KCNIP4: variants seen among roughly 807,000 people sequenced by gnomAD.
The protein encoded by KCNIP4 is potassium voltage-gated channel interacting protein 4.
KCNIP4 carries 12 observed loss-of-function variants against 34.0 expected under a neutral mutation model. That is an observed-to-expected ratio of 0.35 (90% CI 0.23 to 0.57). The LOEUF (loss-of-function observed/expected upper bound fraction) is 0.57, where lower values mean the gene tolerates loss of function less well. Among genes scored for constraint, KCNIP4 ranks in the 20% least tolerant of loss-of-function variants. The pLI is 0.83. For synonymous variants in KCNIP4, 124 were observed against 102.2 expected (o/e 1.21, Z -1.29); for missense variants, 238 against 311.7 (o/e 0.76, Z 1.78).
At chr4:21,670,321 A>G (rs1749372599) in intron 1 of KCNIP4, among the ~76,000 whole-genome samples, 1 of 151,026 alleles carries the variant, frequency 6.6e-6, no homozygotes. Flanking sequence ...TATCGCAAGA[A>G]CAAAAAACCA....
chr4:21,203,631 C>T (rs1015123278), intron 1 of KCNIP4, among the ~76,000 whole-genome samples: 1 of 152,224 alleles, frequency 6.6e-6, no homozygotes, highest in Non-Finnish European at 1.5e-5. Flanking sequence ...GTTCTTGCCC[C>T]TGCTGGCTCT....
chr4:21,482,236 G>A (rs1452739565), intron 1 of KCNIP4, among the ~76,000 whole-genome samples: 3 of 152,224 alleles, frequency 2.0e-5, no homozygotes, highest in African/African-American at 7.2e-5. Flanking sequence ...CCTGAATATA[G>A]CACACTGATG....
intron 1 of KCNIP4, among the ~76,000 whole-genome samples, chr4:21,924,734 T>G (rs1002870414): frequency 1.3e-5 from 2 of 152,282 alleles, no homozygotes; most frequent in Middle Eastern, 6.8e-3. Context: ...CAAATAATTT[T>G]CTCAACACTC....
chr4:20,798,632 T>C (rs1035250237), intron 3 of KCNIP4, among the ~76,000 whole-genome samples: 19 of 152,180 alleles, frequency 1.2e-4, no homozygotes, highest in Admixed American at 5.2e-4. Context: ...GCAGAAATCC[T>C]GTAGAGCATA....
chr4:21,306,346 C>T (rs987811193), intron 1 of KCNIP4, among the ~76,000 whole-genome samples: 1 of 152,140 alleles, frequency 6.6e-6, no homozygotes, highest in Non-Finnish European at 1.5e-5. Context: ...AGGTTATACC[C>T]AAAATGATCC....
At chr4:21,844,816 A>G (rs1723907457) in intron 1 of KCNIP4, 1 of 152,040 alleles carries the variant, frequency 6.6e-6, no homozygotes, top group African/African-American at 2.4e-5. Flanking sequence ...TGAAATTGAT[A>G]ACCCACTACA....
chr4:20,989,000 C>T (rs7671882), intron 1 of KCNIP4, among the ~76,000 whole-genome samples: 65,309 of 151,986 alleles, frequency 0.43, 14,653 homozygotes, highest in African/African-American at 0.54. Context: ...TATTTTTCTT[C>T]CCACAATTTA....
intron 1 of KCNIP4, among the ~76,000 whole-genome samples, chr4:21,832,179 C>T (rs993819156): frequency 7.2e-5 from 11 of 151,964 alleles, no homozygotes; most frequent in East Asian, 3.9e-4. Flanking sequence ...AAGCATTTGA[C>T]GAAATTCAAC....
intron 3 of KCNIP4, among the ~76,000 whole-genome samples, chr4:20,762,561 A>C (rs955171975): frequency 6.6e-6 from 1 of 152,212 alleles, no homozygotes; most frequent in African/African-American, 2.4e-5. Flanking sequence ...TCTTCTGTGC[A>C]GTGATCTCTC....
intron 1 of KCNIP4, among the ~76,000 whole-genome samples, chr4:20,886,066 C>T (rs140150429): frequency 1.6e-4 from 25 of 152,304 alleles, no homozygotes; most frequent in African/African-American, 4.6e-4. Context: ...ATATTTGACA[C>T]GTCTTCCCTA....
At chr4:20,897,481 T>A (rs1411386095) in intron 1 of KCNIP4, among the ~76,000 whole-genome samples, 1 of 152,192 alleles carries the variant, frequency 6.6e-6, no homozygotes. Context: ...GGTTGGCTAA[T>A]GTTATAGCCT....
Position 21,798,562 on chromosome 4 carries a change from AAAAG to A in KCNIP4, c.61+150005_61+150008del, listed in dbSNP as rs71193411. 2.2e-3 allele frequency among the ~76,000 whole-genome samples: 259 copies of A among 116,968 alleles called. 2 individuals carry two copies. The highest frequency in any genetic ancestry group is 4.4e-3 in the African/African-American group (159 of 36,370). 76.7% of individuals were successfully genotyped at this position (116,968 alleles called of 152,430 possible). A position where few individuals can be genotyped will look rare whatever the true frequency, so the allele number is the denominator to read the frequency against. ...AGAGAGAGAGAGAAAGAGAGAAAGA[AAAAG>A]AAAGAAAGAAAGAAAGAAAGAGAAA... is the stretch of plus-strand genomic sequence containing the variant. On this transcript the variant is annotated intron_variant, in intron 1 of 8. Transcript: ENST00000382152.
At chr4:20,826,551 T>A (rs2149451596) in intron 3 of KCNIP4, among the ~76,000 whole-genome samples, 1 of 152,118 alleles carries the variant, frequency 6.6e-6, no homozygotes, top group African/African-American at 2.4e-5. Flanking sequence ...GCCACTGTAC[T>A]GCACTCCAGC....
chr4:20,797,498 G>A (rs1050713849), intron 3 of KCNIP4, among the ~76,000 whole-genome samples: 1 of 152,150 alleles, frequency 6.6e-6, no homozygotes, highest in Non-Finnish European at 1.5e-5. Context: ...TGAATTTAAT[G>A]GATTTTCCTC....
chr4:21,831,181 C>T (rs1239963205), intron 1 of KCNIP4, among the ~76,000 whole-genome samples: 1 of 151,874 alleles, frequency 6.6e-6, no homozygotes, highest in Admixed American at 6.6e-5. Context: ...ATGTTTATAG[C>T]AATAAAGGCT....
intron 1 of KCNIP4, among the ~76,000 whole-genome samples, chr4:21,894,996 T>C (rs1042951171): frequency 6.6e-6 from 1 of 152,156 alleles, no homozygotes; most frequent in African/African-American, 2.4e-5. Context: ...TTATCTCTTC[T>C]CTCTTCTTCC....
intron 1 of KCNIP4, among the ~76,000 whole-genome samples, chr4:21,303,637 C>T (rs906108150): frequency 6.6e-6 from 1 of 152,302 alleles, no homozygotes; most frequent in Admixed American, 6.5e-5. Flanking sequence ...CTGCAACTTA[C>T]AAAAAGTTTA....
chr4:21,879,535 C>A (rs1276551083), intron 1 of KCNIP4, among the ~76,000 whole-genome samples: 2 of 152,174 alleles, frequency 1.3e-5, no homozygotes, highest in African/African-American at 4.8e-5. Context: ...AATAGATCGA[C>A]TTCATCATTT....
intron 8 of KCNIP4, chr4:20,731,432 T>TAACA (rs1748172987): frequency 1.0e-6 from 1 of 985,284 alleles, no homozygotes; most frequent in African/African-American, 1.7e-5. Flanking sequence ...CTAAGTAAGC[T>TAACA]AACACTGGTT....
Sources: gnomAD v4.1 joint callset for allele counts (sites outside exome capture counted in the v4.1 genomes callset) on GRCh38, gnomAD v4.1.1 for gene constraint, MANE v1.5 for transcripts, NCBI Gene and HGNC (gene_info 2026-07-23, HGNC 2026-07-21) for gene names.